Variants in PLEKHA7 observed in about 807,000 individuals in gnomAD.
PLEKHA7 encodes the protein pleckstrin homology domain-containing family A member 7.
PLEKHA7 carries 104 observed loss-of-function variants against 170.0 expected under a neutral mutation model. That is an observed-to-expected ratio of 0.61 (90% CI 0.52 to 0.72). The LOEUF (loss-of-function observed/expected upper bound fraction) is 0.72, where lower values mean the gene tolerates loss of function less well. Ranked by LOEUF, PLEKHA7 falls within the 30% of genes least tolerant of loss-of-function variation. PLEKHA7 has a pLI of 0.00. For synonymous variants in PLEKHA7, 648 were observed against 660.8 expected (o/e 0.98, Z 0.30); for missense variants, 1,615 against 1,671.7 (o/e 0.97, Z 0.59).
chr11:16,882,860 TCACACACACACATA>T (rs6144234), intron 3 of PLEKHA7, among the ~76,000 whole-genome samples: 69,528 of 151,688 alleles, frequency 0.46, 16,580 homozygotes, highest in Non-Finnish European at 0.54. Flanking sequence ...ATACACATAT[TCACACACACACATA>T]CACACACACA....
rs764906156 is a variant in PLEKHA7, at chr11:16,852,313, G to A, written c.565C>T (p.Leu189Phe). The A allele has an allele frequency of 5.6e-6, 9 of 1,613,906 alleles. No individual in the cohort carries two copies. The Admixed American group carries it at 1.3e-4, about 24-fold the overall frequency. Reference sequence around the variant, plus strand: ...TAGTAAAATAAGCAGTAATCAGCAAGCACAAACCACCTCCTTTTCCACAGC... The same window carrying A: ...TAGTAAAATAAGCAGTAATCAGCAAACACAAACCACCTCCTTTTCCACAGC... Reference protein sequence around the residue: ...MRLWKRRWFVLADYCLFYYKD... With the variant: ...MRLWKRRWFVFADYCLFYYKD... Residue 189 changes from leucine (L) to phenylalanine (F), a missense_variant, in exon 7 of 27, where the codon CTT becomes TTT. Transcript: ENST00000531066.
chr11:16,808,189 AGTTT>A (rs769560799), intron 13 of PLEKHA7, among the ~76,000 whole-genome samples: 22 of 152,330 alleles, frequency 1.4e-4, no homozygotes, highest in Admixed American at 1.3e-3. Context: ...ACACCTAAGG[AGTTT>A]GTTTGTTTTA....
chr11:16,959,153 T>C (rs1239464066), intron 3 of PLEKHA7, among the ~76,000 whole-genome samples: 2 of 152,084 alleles, frequency 1.3e-5, no homozygotes, highest in East Asian at 3.9e-4. Context: ...ACATGTCACA[T>C]GGGTTTGTCG....
chr11:17,008,827 C>T (rs1002495133), intron 3 of PLEKHA7, among the ~76,000 whole-genome samples: 2 of 152,290 alleles, frequency 1.3e-5, no homozygotes, highest in African/African-American at 4.8e-5. Context: ...TTCCATGAAA[C>T]CCCTGAAGAG....
chr11:16,830,404 A>C (rs402982), intron 9 of PLEKHA7, among the ~76,000 whole-genome samples: 24,502 of 152,160 alleles, frequency 0.16, 2,401 homozygotes, highest in African/African-American at 0.27. Flanking sequence ...GTCGCTGAAG[A>C]TTTAGAATCT....
In PLEKHA7 at chr11:16,994,341, C is replaced by T. The variant is rs372265837; in HGVS notation, c.221+19648G>A. Among the ~76,000 whole-genome samples the T allele has an allele frequency of 1.5e-4, 23 of 152,260 alleles. No individual in the cohort carries two copies. The South Asian group carries it at 4.8e-3, about 32-fold the overall frequency. On this transcript the variant is annotated intron_variant, in intron 3 of 26. Transcript: ENST00000531066. ...CAGGGGTCAGTTTTTAACTAGGTCC[C>T]CCAGGGACACTAATCACCCACTCTC...
In PLEKHA7 at chr11:16,794,833, C is replaced by T; in HGVS notation, c.2518+77G>A. 2.0e-6 allele frequency: 3 copies of T among 1,497,200 alleles called. No individual in the cohort carries two copies. The South Asian group carries it at 3.4e-5, about 17-fold the overall frequency. The allele number at this position is 1,497,200 out of a possible 1,614,324, so 92.7% of individuals were successfully genotyped here. ...CCTCCCCAAGGGCCATCCCACCCAC[C>T]TGGTTCCCAGCCTTCCACCCTCCCA... On this transcript the variant is annotated intron_variant, in intron 18 of 26. Coordinates refer to ENST00000531066, the MANE Select transcript of PLEKHA7 (RefSeq NM_001329630.2).
intron 3 of PLEKHA7, among the ~76,000 whole-genome samples, chr11:16,897,033 T>C (rs1019416048): frequency 1.6e-4 from 24 of 152,222 alleles, no homozygotes; most frequent in Non-Finnish European, 3.4e-4. Context: ...ATTGGCTTAA[T>C]GAACAGCCAG....
chr11:16,836,593 A>G (rs936599945), intron 9 of PLEKHA7, among the ~76,000 whole-genome samples: 10 of 152,230 alleles, frequency 6.6e-5, no homozygotes, highest in Non-Finnish European at 1.3e-4. Flanking sequence ...AAGACAGGCA[A>G]GATTTAGTCT....
At chr11:16,937,966 T>G (rs144201628) in intron 3 of PLEKHA7, among the ~76,000 whole-genome samples, 63 of 152,304 alleles carry the variant, frequency 4.1e-4, no homozygotes, top group African/African-American at 1.5e-3. Flanking sequence ...CTTCTTGTTT[T>G]GGCTGCCAGG....
rs1847840698 is a variant in PLEKHA7 at position 16,791,322 on chromosome 11, C to CATGTTCTCAGTCA, written c.2746-124_2746-123insTGACTGAGAACAT. On this transcript the variant is annotated intron_variant, in intron 19 of 26. Transcript: ENST00000531066. This position sits in a 1 kb window ranked among gnomAD's most constrained non-coding sequence, Gnocchi z 4.5. Reference sequence around the variant, plus strand: ...GCCACATCAGAGCCACAGAACATGACTGCCTCAGCCAAGGAGCACTCACAC... The same window carrying CATGTTCTCAGTCA: ...GCCACATCAGAGCCACAGAACATGACATGTTCTCAGTCATGCCTCAGCCAAGGAGCACTCACAC... 1 of 931,064 alleles carries CATGTTCTCAGTCA rather than the reference C, an allele frequency of 1.1e-6. No homozygotes were observed. The highest frequency in any genetic ancestry group is 1.6e-6 in the Non-Finnish European group (1 of 625,526). 57.7% of individuals were successfully genotyped at this position (931,064 alleles called of 1,614,324 possible).
At chr11:16,843,087 A>G (rs900634028) in intron 8 of PLEKHA7, among the ~76,000 whole-genome samples, 1 of 152,216 alleles carries the variant, frequency 6.6e-6, no homozygotes, top group African/African-American at 2.4e-5. Context: ...GTTCACTACT[A>G]TATCCCCAGG....
intron 12 of PLEKHA7, among the ~76,000 whole-genome samples, chr11:16,813,702 C>G (rs1849541813): frequency 6.6e-6 from 1 of 152,188 alleles, no homozygotes; most frequent in Non-Finnish European, 1.5e-5. Flanking sequence ...CCACCAGCAA[C>G]TGCTGGAAAT....
At chr11:16,831,783 G>C (rs1302510306) in intron 9 of PLEKHA7, among the ~76,000 whole-genome samples, 1 of 152,204 alleles carries the variant, frequency 6.6e-6, no homozygotes, top group Non-Finnish European at 1.5e-5. Context: ...TTGGGTTGTT[G>C]TGAGGATTAA....
intron 3 of PLEKHA7, among the ~76,000 whole-genome samples, chr11:16,956,896 T>C (rs936904355): frequency 7.3e-3 from 2 of 274 alleles, no homozygotes; most frequent in African/African-American, 0.014. Flanking sequence ...ATGCAAAAGT[T>C]ACACTGCCTT....
chr11:16,825,824 C>G (rs1423526245), intron 10 of PLEKHA7, among the ~76,000 whole-genome samples: 1 of 152,206 alleles, frequency 6.6e-6, no homozygotes, highest in Non-Finnish European at 1.5e-5. Context: ...CTCTGAGGAG[C>G]CGAAGAGACT....
chr11:16,894,469 C>A (rs1856871672), intron 3 of PLEKHA7, among the ~76,000 whole-genome samples: 1 of 152,138 alleles, frequency 6.6e-6, no homozygotes, highest in Non-Finnish European at 1.5e-5. Flanking sequence ...TGGTTTTATT[C>A]TTTCTTTTTC....
rs1849804961 is a variant in PLEKHA7 at position 16,816,946 on chromosome 11, G to A, written c.1720C>T (p.Pro574Ser). 3 of 1,612,774 alleles carry A rather than the reference G, an allele frequency of 1.9e-6. No homozygotes were observed. Among genetic ancestry groups the A allele is most frequent in the African/African-American group, 2.7e-5 (2 of 74,904 alleles). Residue 574 changes from proline to serine, a missense_variant, in exon 11 of 27, where the codon CCT (proline) becomes TCT (serine). By Grantham distance (74) the Pro-to-Ser change is moderately conservative (BLOSUM62 -1). Transcript: ENST00000531066. Reference protein sequence around the residue: ...ISVPPSPSDIPPPGPPRVFPP... With the variant: ...ISVPPSPSDISPPGPPRVFPP... ...AAGACCCTTGGGGGTCCTGGGGGAG[G>A]GATGTCCGAGGGAGATGGAGGCACA...
intron 3 of PLEKHA7, among the ~76,000 whole-genome samples, chr11:16,928,846 AT>A (rs539747914): frequency 5.9e-5 from 9 of 151,458 alleles, no homozygotes; most frequent in East Asian, 3.9e-4. Flanking sequence ...ACTTTATGAG[AT>A]TTTTTTTTAC....
Sources: allele counts gnomAD v4.1 joint callset (sites outside exome capture counted in the v4.1 genomes callset), GRCh38; gene constraint gnomAD v4.1.1; non-coding constraint Gnocchi (gnomAD v3.1); transcripts MANE v1.5; gene names NCBI Gene and HGNC (gene_info 2026-07-23, HGNC 2026-07-21).